ACOXL: variants seen among roughly 807,000 people sequenced by gnomAD.
The protein encoded by ACOXL is acyl-coenzyme A oxidase-like protein.
In ACOXL, 70 loss-of-function variants were observed where a neutral mutation model predicts 71.9. That is an observed-to-expected ratio of 0.97 (90% CI 0.80 to 1.19). ACOXL has a LOEUF of 1.19. ACOXL is among the 50% of genes most tolerant of loss of function. The pLI, the probability that ACOXL is intolerant of heterozygous loss-of-function variation, is 0.00. For synonymous variants in ACOXL, 253 were observed against 281.6 expected, an observed-to-expected ratio of 0.90 and a Z score of 1.02; for missense variants, 703 against 736.3, an observed-to-expected ratio of 0.95 and a Z score of 0.52.
At chr2:110,786,181 G>A (rs1216550026) in intron 3 of ACOXL, among the ~76,000 whole-genome samples, 1 of 152,092 alleles carries the variant, frequency 6.6e-6, no homozygotes, top group East Asian at 1.9e-4. Flanking sequence ...ACACCCAGTC[G>A]TGATGTCCCC....
chr2:110,784,580 T>A (rs1192740288), intron 2 of ACOXL, 152 bp from the exon 3 acceptor site: 3 of 543,026 alleles, frequency 5.5e-6, no homozygotes, highest in Non-Finnish European at 9.4e-6. Context: ...TTTACTTTAG[T>A]AGAATGATGG....
intron 10 of ACOXL, among the ~76,000 whole-genome samples, chr2:110,845,478 G>A (rs1294150011): frequency 2.0e-5 from 3 of 152,156 alleles, no homozygotes; most frequent in Admixed American, 2.0e-4. Flanking sequence ...GTATAGTTTA[G>A]TGGCATTAAA....
At chr2:110,901,599 A>T (rs1238381732) in intron 10 of ACOXL, among the ~76,000 whole-genome samples, 1 of 151,820 alleles carries the variant, frequency 6.6e-6, no homozygotes, top group East Asian at 1.9e-4. Flanking sequence ...TTGTGTATTT[A>T]ATCACAGTCA....
chr2:110,756,668 G>C (rs574999630), intron 1 of ACOXL, among the ~76,000 whole-genome samples: 1 of 152,162 alleles, frequency 6.6e-6, no homozygotes, highest in Non-Finnish European at 1.5e-5. Context: ...TTCCTTTCCA[G>C]TTGGCCACCC....
At chr2:110,899,242 G>A (rs578191470) in intron 10 of ACOXL, among the ~76,000 whole-genome samples, 1 of 152,354 alleles carries the variant, frequency 6.6e-6, no homozygotes, top group Admixed American at 6.5e-5. Flanking sequence ...GCCAAGAGCA[G>A]TCTAAGGTCA....
chr2:111,073,067 C>T (rs992387891), intron 16 of ACOXL, among the ~76,000 whole-genome samples: 1 of 152,180 alleles, frequency 6.6e-6, no homozygotes, highest in African/African-American at 2.4e-5. Flanking sequence ...TTTAGTGAAA[C>T]TGATAAAATC....
chr2:110,947,897 C>T (rs117149741), intron 12 of ACOXL, among the ~76,000 whole-genome samples: 29 of 152,334 alleles, frequency 1.9e-4, no homozygotes, highest in East Asian at 1.5e-3. Flanking sequence ...TACCTGAGCC[C>T]GGATGCCCAT....
chr2:110,868,469 C>G (rs1694878420), intron 10 of ACOXL, among the ~76,000 whole-genome samples: 1 of 152,234 alleles, frequency 6.6e-6, no homozygotes, highest in South Asian at 2.1e-4. Context: ...ACGCTCTTCT[C>G]TATCGACCCA....
At position 110,800,524 on chromosome 2, in the gene ACOXL, T is replaced by TG. The variant is rs1339183190; in HGVS notation, c.548-1128_548-1127insG. Among the ~76,000 whole-genome samples the TG allele has an allele frequency of 3.9e-5, 6 of 152,208 alleles. No homozygotes were observed. The South Asian group carries it at 6.2e-4, about 16-fold the overall frequency. On this transcript the variant is annotated intron_variant, in intron 7 of 17. Transcript: ENST00000439055. Reference sequence around the variant, plus strand: ...TTTGATACATGAATTTTTTTTTTTTTTGTGGGGAGGACACAATTTAACCCA... The same window carrying TG: ...TTTGATACATGAATTTTTTTTTTTTTGTGTGGGGAGGACACAATTTAACCCA...
chr2:111,105,581 A>G (rs929878553), intron 17 of ACOXL, among the ~76,000 whole-genome samples: 5 of 152,168 alleles, frequency 3.3e-5, no homozygotes, highest in Non-Finnish European at 5.9e-5. Flanking sequence ...ATGATTGTAA[A>G]TGGTATTGCA....
At chr2:110,996,204 A>C (rs2063390286) in intron 14 of ACOXL, among the ~76,000 whole-genome samples, 200 bp downstream of exon 14, 1 of 151,986 alleles carries the variant, frequency 6.6e-6, no homozygotes, top group South Asian at 2.1e-4. Context: ...AACCCCCTTT[A>C]TGTCATCTTG....
chr2:110,931,995 T>G (rs192297749), intron 11 of ACOXL, among the ~76,000 whole-genome samples: 1 of 152,230 alleles, frequency 6.6e-6, no homozygotes, highest in African/African-American at 2.4e-5. Context: ...CAGTTTTATT[T>G]GCAATAGTCC....
At chr2:110,959,307 T>C (rs1335903306) in intron 12 of ACOXL, among the ~76,000 whole-genome samples, 2 of 152,140 alleles carry the variant, frequency 1.3e-5, no homozygotes, top group African/African-American at 4.8e-5. Flanking sequence ...CCCTGGGGCC[T>C]CGGGTGATAT....
intron 17 of ACOXL, among the ~76,000 whole-genome samples, chr2:111,116,617 ATGT>A (rs67660819): frequency 0.09 from 13,656 of 152,148 alleles, 801 homozygotes; most frequent in African/African-American, 0.15. Context: ...GGTGTAAGTG[ATGT>A]TGTTAAACCT....
At chr2:110,876,913 A>G (rs1695986865) in intron 10 of ACOXL, among the ~76,000 whole-genome samples, 3 of 152,178 alleles carry the variant, frequency 2.0e-5, no homozygotes, top group Admixed American at 2.0e-4. Flanking sequence ...AAAAAGATAA[A>G]TCAATAAAAT....
At chr2:110,775,695 C>T (rs1327458341) in intron 2 of ACOXL, among the ~76,000 whole-genome samples, 1 of 152,016 alleles carries the variant, frequency 6.6e-6, no homozygotes, top group Non-Finnish European at 1.5e-5. Flanking sequence ...AATGAGATAC[C>T]ACCTTACACC....
At position 110,785,155 on chromosome 2, in the gene ACOXL, G is replaced by A. The variant is rs1004576838; in HGVS notation, c.159+340G>A. ...AGATCGATTCATATTGTGTGTTCCT[G>A]TATTCATTAAATTTTAAAATAAAAA... On this transcript the variant is annotated intron_variant, in intron 3 of 17. Transcript: ENST00000439055. Among the ~76,000 whole-genome samples the A allele has an allele frequency of 9.9e-5, 15 of 151,916 alleles. 1 individual carries two copies. The highest frequency in any genetic ancestry group is 2.9e-4 in the African/African-American group (12 of 41,328).
Position 110,972,649 on chromosome 2 carries a change from GCACACACA to G in ACOXL, c.1060-14438_1060-14431del, listed in dbSNP as rs56400982. On this transcript the variant is annotated intron_variant, in intron 12 of 17. Coordinates refer to ENST00000439055, the MANE Select transcript of ACOXL (RefSeq NM_001142807.4). ...CACGCACATGCACACACACACACGT[GCACACACA>G]CACACACACACACACACACAAAATT... Among the ~76,000 whole-genome samples, 64 of 149,958 alleles carry G rather than the reference GCACACACA, an allele frequency of 4.3e-4. 1 individual carries two copies. Among genetic ancestry groups the G allele is most frequent in the East Asian group, 1.6e-3 (8 of 5,114 alleles).
At chr2:110,734,808 G>A (rs1188270214) in intron 1 of ACOXL, among the ~76,000 whole-genome samples, 1 of 152,068 alleles carries the variant, frequency 6.6e-6, no homozygotes, top group Admixed American at 6.5e-5. Context: ...AGGGACAGAG[G>A]AAAGGCATGC....
Sources: allele counts gnomAD v4.1 joint callset (sites outside exome capture counted in the v4.1 genomes callset), GRCh38; gene constraint gnomAD v4.1.1; transcripts MANE v1.5; gene names NCBI Gene and HGNC (gene_info 2026-07-23, HGNC 2026-07-21).